Variants in ASTN2 observed in about 807,000 individuals in gnomAD.
The protein encoded by ASTN2 is astrotactin-2.
A neutral mutation model predicts 139.8 loss-of-function variants in ASTN2; 54 were observed. The observed-to-expected ratio is 0.39, with a 90% CI of 0.31 to 0.48. The LOEUF is 0.48. Ranked by LOEUF, ASTN2 falls within the 20% of genes least tolerant of loss-of-function variation. ASTN2 has a pLI of 0.95. For missense variants in ASTN2, 1,565 were observed against 1,725.1 expected (o/e 0.91, Z 1.64); for synonymous variants, 756 against 719.5 (o/e 1.05, Z -0.81).
At chr9:116,940,743 A>T (rs144561818) in intron 10 of ASTN2, among the ~76,000 whole-genome samples, 1 of 152,174 alleles carries the variant, frequency 6.6e-6, no homozygotes, top group Non-Finnish European at 1.5e-5. Flanking sequence ...CAGTGTTTAT[A>T]AAGTCCCCAG....
chr9:117,122,828 C>T (rs1055984487), intron 4 of ASTN2, among the ~76,000 whole-genome samples: 1 of 152,166 alleles, frequency 6.6e-6, no homozygotes, highest in South Asian at 2.1e-4. Context: ...ACACATGCCA[C>T]AACTCAGTGC....
chr9:117,031,256 T>C (rs1375133159), intron 6 of ASTN2, among the ~76,000 whole-genome samples: 1 of 152,138 alleles, frequency 6.6e-6, no homozygotes, highest in African/African-American at 2.4e-5. Context: ...TTTTGATGTA[T>C]CTTCTTAGGG....
chr9:116,634,768 T>C (rs1008190841), intron 17 of ASTN2, among the ~76,000 whole-genome samples: 1 of 152,204 alleles, frequency 6.6e-6, no homozygotes, highest in African/African-American at 2.4e-5. Context: ...CTATCAGAGA[T>C]ACTATCTTTG....
intron 3 of ASTN2, among the ~76,000 whole-genome samples, chr9:117,178,062 T>C (rs909349826): frequency 6.6e-6 from 1 of 152,238 alleles, no homozygotes. Context: ...CCCTTGTTGT[T>C]GGAATCTATC....
chr9:117,146,121 C>T (rs1192832928), intron 3 of ASTN2, among the ~76,000 whole-genome samples: 1 of 152,076 alleles, frequency 6.6e-6, no homozygotes, highest in Non-Finnish European at 1.5e-5. Flanking sequence ...CATACAACTC[C>T]CCCTATCCCT....
intron 2 of ASTN2, 56 bp from the exon 3 acceptor site, chr9:117,214,798 T>C (rs4543613): frequency 0.98 from 1,388,376 of 1,414,042 alleles, 681,875 homozygotes; most frequent in Non-Finnish European, 0.99. Flanking sequence ...AATCGAGGGC[T>C]GCAGGGGATT....
intron 1 of ASTN2, among the ~76,000 whole-genome samples, chr9:117,368,636 C>T (rs938784391): frequency 6.6e-6 from 1 of 152,092 alleles, no homozygotes; most frequent in Non-Finnish European, 1.5e-5. Context: ...TGAAGGTAAA[C>T]AACTTTCTTT....
chr9:116,687,994 T>G (rs753585764), intron 16 of ASTN2, among the ~76,000 whole-genome samples: 1 of 151,808 alleles, frequency 6.6e-6, no homozygotes, highest in Non-Finnish European at 1.5e-5. Flanking sequence ...AGGCAGCACA[T>G]GACATTCAGT....
intron 7 of ASTN2, among the ~76,000 whole-genome samples, chr9:116,993,876 A>ATATTTTT (rs1030120382): frequency 1.4e-5 from 2 of 142,058 alleles, no homozygotes; most frequent in African/African-American, 5.2e-5. Flanking sequence ...ATATATATAT[A>ATATTTTT]TTTTAACTAT....
In ASTN2 at chr9:116,651,716, G is replaced by C. The variant is rs146575637; in HGVS notation, c.2884C>G (p.Gln962Glu). 135 of 1,613,976 alleles carry C rather than the reference G, an allele frequency of 8.4e-5. No individual in the cohort carries two copies. The highest frequency in any genetic ancestry group is 1.1e-4 in the Non-Finnish European group (130 of 1,180,010). The change falls in exon 17 of 23, where the codon CAG becomes GAG. Residue 962 changes from glutamine to glutamate, a missense_variant. This residue lies in a region of ASTN2 where 48 missense variants were observed against 90.7 expected (regional missense o/e 0.53). Coordinates refer to ENST00000313400, the MANE Select transcript of ASTN2 (RefSeq NM_001365068.1). Reference protein sequence around the residue: ...ITYLSGLLTAQMLSDDQLISG... With the variant: ...ITYLSGLLTAEMLSDDQLISG... ...ATGAGCTGGTCATCTGACAGCATCT[G>C]GGCTGTCAGCAAACCTGAGAGGTAG...
intron 19 of ASTN2, among the ~76,000 whole-genome samples, chr9:116,515,385 CCT>C (rs1237454018): frequency 2.0e-5 from 3 of 152,052 alleles, no homozygotes; most frequent in Non-Finnish European, 4.4e-5. Flanking sequence ...AGAATGGTTT[CCT>C]CTCTCTCTTA....
intron 13 of ASTN2, among the ~76,000 whole-genome samples, chr9:116,766,056 G>A (rs1224113993): frequency 1.3e-5 from 2 of 152,100 alleles, no homozygotes; most frequent in African/African-American, 4.8e-5. Flanking sequence ...AAAAGAAAAT[G>A]TATCTAAGGT....
intron 17 of ASTN2, among the ~76,000 whole-genome samples, chr9:116,644,727 A>AT (rs1333344503): frequency 6.6e-6 from 1 of 152,204 alleles, no homozygotes; most frequent in Non-Finnish European, 1.5e-5. Flanking sequence ...CAAGATATGT[A>AT]TATCTTTCTC....
chr9:117,290,395 T>C (rs1834557607), intron 2 of ASTN2, among the ~76,000 whole-genome samples: 1 of 152,206 alleles, frequency 6.6e-6, no homozygotes, highest in Non-Finnish European at 1.5e-5. Flanking sequence ...AAAGAAAGCA[T>C]ATAATATAAG....
At chr9:116,588,728 A>G (rs1854260558) in intron 19 of ASTN2, among the ~76,000 whole-genome samples, 1 of 152,200 alleles carries the variant, frequency 6.6e-6, no homozygotes, top group African/African-American at 2.4e-5. Context: ...TTTAAAATTG[A>G]AGAATGCCAC....
At chr9:117,371,724 ATTG>A (rs1408266525) in intron 1 of ASTN2, among the ~76,000 whole-genome samples, 1 of 152,146 alleles carries the variant, frequency 6.6e-6, no homozygotes, top group Non-Finnish European at 1.5e-5. Flanking sequence ...ATTTCATAAA[ATTG>A]TTATTATTGC....
In ASTN2 at chr9:117,118,946, T is replaced by C. The variant is rs373506729; in HGVS notation, c.1168+22380A>G. Among the ~76,000 whole-genome samples the C allele has an allele frequency of 9.2e-5, 14 of 152,314 alleles. No individual in the cohort carries two copies. The East Asian group carries it at 2.3e-3, about 25-fold the overall frequency. ...TTTTACCCTGTTTTATTTTTCTTCA[T>C]AACATTTATTGCTTTCTGAGATGAT... On this transcript the variant is annotated intron_variant, in intron 4 of 22. Transcript: ENST00000313400.
chr9:117,407,909 A>C (rs1831042897), intron 1 of ASTN2, among the ~76,000 whole-genome samples: 1 of 152,138 alleles, frequency 6.6e-6, no homozygotes. Context: ...CTGGAAAGGA[A>C]GCCTCCTCTA....
chr9:116,728,960 A>C, intron 15 of ASTN2, 32 bp downstream of exon 15: 1 of 1,541,578 alleles, frequency 6.5e-7, no homozygotes, highest in Non-Finnish European at 8.8e-7. Flanking sequence ...AATTATTCCA[A>C]GTCCCCTGGC....
Sources: gnomAD v4.1 joint callset for allele counts (sites outside exome capture counted in the v4.1 genomes callset) on GRCh38, gnomAD v4.1.1 for gene constraint, gnomAD v4.1.1 regional missense constraint, MANE v1.5 for transcripts, NCBI Gene and HGNC (gene_info 2026-07-23, HGNC 2026-07-21) for gene names.